The following UPF1 variants were observed in gnomAD, a reference collection of about 807,000 sequenced individuals.
The protein encoded by UPF1 is regulator of nonsense transcripts 1.
Under a neutral mutation model 129.2 loss-of-function variants are expected in UPF1, and 9 were observed. The observed-to-expected ratio is 0.07, with a 90% CI of 0.04 to 0.12. UPF1 has a LOEUF of 0.12. Among genes scored for constraint, UPF1 ranks in the 10% least tolerant of loss-of-function variants. The pLI, the probability that UPF1 is intolerant of heterozygous loss-of-function variation, is 1.00. For missense variants in UPF1, 788 were observed against 1,525.3 expected (o/e 0.52, Z 8.05); for synonymous variants, 649 against 644.9 (o/e 1.01, Z -0.10).
chr19:18,856,148 A>G, intron 12 of UPF1, 38 bp from the exon 13 acceptor site: 5 of 1,606,942 alleles, frequency 3.1e-6, no homozygotes, highest in Non-Finnish European at 4.3e-6. Context: ...TGACATGTAC[A>G]GAACTCAGGC....
intron 17 of UPF1, among the ~76,000 whole-genome samples, chr19:18,861,774 G>C (rs979900818): frequency 6.6e-6 from 1 of 152,220 alleles, no homozygotes; most frequent in Non-Finnish European, 1.5e-5. Flanking sequence ...GCTGCAGCGA[G>C]CTGAGATTGT....
intron 2 of UPF1, 141 bp downstream of exon 2, chr19:18,846,260 A>T (rs1381696894): frequency 7.7e-7 from 1 of 1,300,708 alleles, no homozygotes; most frequent in East Asian, 2.5e-5. Context: ...GAGTAAGGAA[A>T]TTGCTCAGGC....
chr19:18,856,991 ATGGTTCCCG>A lies in UPF1; in HGVS notation c.1944_1952del (p.Pro649_Val651del). 1 of 1,612,830 alleles carries A rather than the reference ATGGTTCCCG, an allele frequency of 6.2e-7. No individual in the cohort carries two copies. Among genetic ancestry groups the A allele is most frequent in the South Asian group, 1.1e-5 (1 of 91,040 alleles). On this transcript the variant is annotated inframe_deletion, in exon 14 of 24. Coordinates refer to ENST00000262803, the MANE Select transcript of UPF1 (RefSeq NM_002911.4). ...CACCCAGGCCACCGAGCCGGAGTGCATGGTTCCCGTGGTCCTCGGGGCCAAGCAGGTGGG... is the reference window on the plus strand; with the variant it reads ...CACCCAGGCCACCGAGCCGGAGTGCATGGTCCTCGGGGCCAAGCAGGTGGG...
chr19:18,848,782 A>C (rs1051220569), intron 3 of UPF1, among the ~76,000 whole-genome samples: 6 of 152,210 alleles, frequency 3.9e-5, no homozygotes, highest in African/African-American at 1.4e-4. Flanking sequence ...ATTTTAAAGA[A>C]GGGTATCTTC....
chr19:18,834,479 T>A (rs2055462441), intron 1 of UPF1, among the ~76,000 whole-genome samples: 1 of 152,158 alleles, frequency 6.6e-6, no homozygotes, highest in Non-Finnish European at 1.5e-5. Context: ...CTGAACACAC[T>A]GGGCTGTACA....
chr19:18,864,391 C>T lies in UPF1; in HGVS notation c.2857+140C>T, dbSNP rs1206056615. ...CCTGGCTCCCTTGGCCTCCCCGCCC[C>T]TAGGGCATCTCTAGCCCCGGAACAC... On this transcript the variant is annotated intron_variant, in intron 20 of 23. Coordinates refer to ENST00000262803, the MANE Select transcript of UPF1 (RefSeq NM_002911.4). The T allele has an allele frequency of 5.9e-6, 4 of 674,554 alleles. No homozygotes were observed. In the East Asian group the frequency reaches 8.3e-5, roughly 14 times the overall value. The allele number at this position is 674,554 out of a possible 1,614,324, so 41.8% of individuals were successfully genotyped here. A position where few individuals can be genotyped will look rare whatever the true frequency, so the allele number is the denominator to read the frequency against.
intron 20 of UPF1, among the ~76,000 whole-genome samples, chr19:18,864,477 G>A (rs1209501202): frequency 6.6e-6 from 1 of 152,244 alleles, no homozygotes; most frequent in Non-Finnish European, 1.5e-5. Flanking sequence ...GATCAAGCTA[G>A]TTAGCTTTTT....
Position 18,855,214 on chromosome 19 carries a change from G to T in UPF1, c.1516G>T (p.Val506Phe). 1 of 1,612,510 alleles carries T rather than the reference G, an allele frequency of 6.2e-7. No homozygotes were observed. The change falls in exon 11 of 24, where the codon GTC (valine) becomes TTC (phenylalanine). Residue 506 changes from valine to phenylalanine, a missense_variant. Val to Phe is a conservative substitution (Grantham distance 50). This residue lies in a region of UPF1 where 91 missense variants were observed against 157.2 expected (regional missense o/e 0.58). Transcript: ENST00000262803. ...TGKTVTSATI[V>F]YHLARQGNGP... Reference sequence around the variant, plus strand: ...GAAGACGGTGACGTCGGCCACCATCGTCTACCACCTGGCCCGGCAAGGCAA... The same window carrying T: ...GAAGACGGTGACGTCGGCCACCATCTTCTACCACCTGGCCCGGCAAGGCAA...
chr19:18,852,764 A>G (rs1272293159), intron 6 of UPF1, among the ~76,000 whole-genome samples: 2 of 151,682 alleles, frequency 1.3e-5, no homozygotes, highest in African/African-American at 4.9e-5. Context: ...TGTGCGGTGA[A>G]GCCTCCAGAC....
chr19:18,861,007 T>G, intron 17 of UPF1, 25 bp downstream of exon 17: 1 of 1,554,264 alleles, frequency 6.4e-7, no homozygotes, highest in South Asian at 1.2e-5. Context: ...CGGGCACACT[T>G]GGTCTCCTGG....
intron 1 of UPF1, among the ~76,000 whole-genome samples, chr19:18,839,471 C>G (rs185508341): frequency 6.6e-6 from 1 of 152,314 alleles, no homozygotes. Flanking sequence ...CTTGCTGTCT[C>G]TGATTTCTCT....
Position 18,865,510 on chromosome 19 carries a change from G to T in UPF1, c.3020-51G>T. The stretch of plus-strand genomic sequence containing the variant: ...CCTGAGAGCTCTTGAGGGTGTGCTT[G>T]TCTGCGAGGCCCTGGCCTCCTTCGG... On this transcript the variant is annotated intron_variant, in intron 21 of 23. Transcript: ENST00000262803. The surrounding 1 kb of genome is among the most constrained non-coding windows in gnomAD (Gnocchi z 6.1). 3 of 1,612,574 alleles carry T rather than the reference G, an allele frequency of 1.9e-6. No homozygotes were observed. Among genetic ancestry groups the T allele is most frequent in the Non-Finnish European group, 2.5e-6 (3 of 1,178,988 alleles).
chr19:18,853,565 G>A lies in UPF1; in HGVS notation c.1156+215G>A, dbSNP rs1439798548. 1.3e-5 allele frequency among the ~76,000 whole-genome samples: 2 copies of A among 152,222 alleles called. No individual in the cohort carries two copies. Among genetic ancestry groups the A allele is most frequent in the Non-Finnish European group, 2.9e-5 (2 of 68,030 alleles). ...TTGTATGGTTGCTTCCCCTCTGCCC[G>A]AATGGTGATGTTGGTGATGCCACTT... On this transcript the variant is annotated intron_variant, in intron 8 of 23. Transcript: ENST00000262803. This position sits in a 1 kb window ranked among gnomAD's most constrained non-coding sequence, Gnocchi z 4.4.
intron 18 of UPF1, among the ~76,000 whole-genome samples, 197 bp downstream of exon 18, chr19:18,862,349 C>CAG (rs1000475407): frequency 7.2e-5 from 11 of 152,264 alleles, no homozygotes; most frequent in Admixed American, 2.6e-4. Flanking sequence ...CTCAGCCCAG[C>CAG]AGGACGTATT....
Position 18,842,987 on chromosome 19 carries a change from CA to C in UPF1, c.232-2979del, listed in dbSNP as rs957431963. Among the ~76,000 whole-genome samples, 324 of 138,870 alleles carry C rather than the reference CA, an allele frequency of 2.3e-3. 1 individual carries two copies. In the East Asian group the frequency reaches 0.027, roughly 12 times the overall value. 91.1% of individuals were successfully genotyped at this position (138,870 alleles called of 152,430 possible). A position where few individuals can be genotyped will look rare whatever the true frequency, so the allele number is the denominator to read the frequency against. On this transcript the variant is annotated intron_variant, in intron 1 of 23. Coordinates refer to ENST00000262803, the MANE Select transcript of UPF1 (RefSeq NM_002911.4). ...AGGCAACGAGAGTGAAACTCCGTCT[CA>C]AAAAAAAAAAAAATTTAAATAGAGA...
At chr19:18,840,444 G>A (rs923893723) in intron 1 of UPF1, among the ~76,000 whole-genome samples, 7 of 152,158 alleles carry the variant, frequency 4.6e-5, no homozygotes, top group African/African-American at 1.7e-4. Flanking sequence ...AGAGGGAGAG[G>A]CCTCCCCAGA....
intron 1 of UPF1, among the ~76,000 whole-genome samples, chr19:18,844,027 A>G (rs1332348206): frequency 6.6e-6 from 1 of 152,044 alleles, no homozygotes; most frequent in African/African-American, 2.4e-5. Context: ...GTGAGCCACC[A>G]TTCCTAGCCT....
chr19:18,864,335 C>A, intron 20 of UPF1, 84 bp downstream of exon 20: 1 of 1,294,442 alleles, frequency 7.7e-7, no homozygotes, highest in Non-Finnish European at 1.1e-6. Context: ...GCTTTAGGTG[C>A]CCCCATCTTT....
chr19:18,860,241 C>A, intron 15 of UPF1, 80 bp from the exon 16 acceptor site: 1 of 1,416,054 alleles, frequency 7.1e-7, no homozygotes, highest in Non-Finnish European at 9.9e-7. Context: ...TGTAGCGTAG[C>A]AACTACATTG....
Sources: allele counts gnomAD v4.1 joint callset (sites outside exome capture counted in the v4.1 genomes callset), GRCh38; gene constraint gnomAD v4.1.1; regional missense constraint gnomAD v4.1.1; non-coding constraint Gnocchi (gnomAD v3.1); transcripts MANE v1.5; gene names NCBI Gene and HGNC (gene_info 2026-07-23, HGNC 2026-07-21).